TMEM87B: variants seen among roughly 807,000 people sequenced by gnomAD.
The protein encoded by TMEM87B is transmembrane protein 87B.
Under a neutral mutation model 80.3 loss-of-function variants are expected in TMEM87B, and 83 were observed. That is an observed-to-expected ratio of 1.03 (90% CI 0.87 to 1.24). TMEM87B has a LOEUF of 1.24. Among genes scored for constraint, TMEM87B ranks in the 50% most tolerant of loss-of-function variants. The probability of loss-of-function intolerance (pLI) is 0.00; values close to 1 mark genes in which losing one functional copy is unlikely to be tolerated. For missense variants in TMEM87B, 625 were observed against 674.4 expected (o/e 0.93, Z 0.81); for synonymous variants, 219 against 230.5 (o/e 0.95, Z 0.45).
intron 4 of TMEM87B, among the ~76,000 whole-genome samples, chr2:112,071,100 A>G (rs1408719834): frequency 6.6e-6 from 1 of 152,036 alleles, no homozygotes; most frequent in East Asian, 1.9e-4. Flanking sequence ...CTGGGATTAC[A>G]GGCATGAGCC....
chr2:112,064,538 G>T (rs1678357469), intron 3 of TMEM87B, among the ~76,000 whole-genome samples: 1 of 152,164 alleles, frequency 6.6e-6, no homozygotes, highest in Admixed American at 6.5e-5. Flanking sequence ...ATTTGCAAAA[G>T]AAGTTTAAAT....
chr2:112,067,496 G>A (rs940959100), intron 4 of TMEM87B, among the ~76,000 whole-genome samples: 10 of 152,176 alleles, frequency 6.6e-5, no homozygotes, highest in Non-Finnish European at 1.3e-4. Flanking sequence ...CTACTCGGGT[G>A]GCTGAGGCAT....
At chr2:112,057,177 T>C (rs1432406717) in intron 1 of TMEM87B, among the ~76,000 whole-genome samples, 1 of 152,012 alleles carries the variant, frequency 6.6e-6, no homozygotes, top group Non-Finnish European at 1.5e-5. Context: ...CTCCCAAGAG[T>C]GGACTTATAT....
chr2:112,098,613 G>A lies in TMEM87B; in HGVS notation c.1291G>A (p.Val431Ile), dbSNP rs1214594959. The A allele has an allele frequency of 1.2e-6, 2 of 1,613,992 alleles. No individual in the cohort carries two copies. Among genetic ancestry groups the A allele is most frequent in the East Asian group, 4.5e-5 (2 of 44,874 alleles). ...CTTTTAGGATTGGATGGAACGCTGG[G>A]TTGACGATGCATTTTGGAGCTTCCT... ...KCQSDWMERWVDDAFWSFLFS... is the reference protein window; with the variant it reads ...KCQSDWMERWIDDAFWSFLFS... Residue 431 changes from valine (V) to isoleucine (I), a missense_variant, in exon 14 of 19, where the codon GTT becomes ATT. Transcript: ENST00000283206.
In TMEM87B at chr2:112,119,212, G is replaced by A. The variant is rs191338022; in HGVS notation, c.*3069G>A. On this transcript the variant is annotated 3_prime_UTR_variant, in exon 19 of 19. Coordinates refer to ENST00000283206, the MANE Select transcript of TMEM87B (RefSeq NM_032824.3). ...TATTCCGTAATTTGGAAGAAGTTTCGTTGAATGTAGGACATAACCGTTTGA... is the reference window on the plus strand; with the variant it reads ...TATTCCGTAATTTGGAAGAAGTTTCATTGAATGTAGGACATAACCGTTTGA... 2.8e-4 allele frequency: 43 copies of A among 152,246 alleles called. No individual in the cohort carries two copies. The highest frequency in any genetic ancestry group is 1.8e-3 in the Admixed American group (27 of 15,294). The allele number at this position is 152,246 out of a possible 1,614,324, so 9.4% of individuals were successfully genotyped here.
chr2:112,070,600 A>G (rs1678593283), intron 4 of TMEM87B, among the ~76,000 whole-genome samples: 1 of 152,178 alleles, frequency 6.6e-6, no homozygotes, highest in African/African-American at 2.4e-5. Context: ...GTTTGAAGTC[A>G]GGTAGCATGA....
chr2:112,095,952 C>T (rs1679455369), intron 11 of TMEM87B, among the ~76,000 whole-genome samples: 1 of 152,112 alleles, frequency 6.6e-6, no homozygotes, highest in African/African-American at 2.4e-5. Context: ...TCATCCTTGG[C>T]AATGTTGAAC....
At chr2:112,106,139 A>G (rs1679759245) in intron 16 of TMEM87B, 64 bp downstream of exon 16, 1 of 1,013,560 alleles carries the variant, frequency 9.9e-7, no homozygotes, top group Non-Finnish European at 1.4e-6. Context: ...TTAGAGAGCT[A>G]TACGAGTGTC....
At chr2:112,076,842 T>TTTTG (rs1352402751) in intron 5 of TMEM87B, among the ~76,000 whole-genome samples, 9 of 139,188 alleles carry the variant, frequency 6.5e-5, no homozygotes, top group Non-Finnish European at 7.7e-5. Flanking sequence ...CTTTTCTGTT[T>TTTTG]TGTGTGTGTG....
chr2:112,055,447 C>A lies in TMEM87B; in HGVS notation c.-145C>A. ...TTCCCAGAACTGCACGGCGCCTCTC[C>A]GCCCAGGCCCAAGCGCGAGCCCCTC... On this transcript the variant is annotated 5_prime_UTR_variant, in exon 1 of 19. Transcript: ENST00000283206. 1 of 979,242 alleles carries A rather than the reference C, an allele frequency of 1.0e-6. No homozygotes were observed. The highest frequency in any genetic ancestry group is 3.9e-5 in the Admixed American group (1 of 25,502). 60.7% of individuals were successfully genotyped at this position (979,242 alleles called of 1,614,324 possible).
In TMEM87B at chr2:112,116,283, T is replaced by A. The variant is rs995880675; in HGVS notation, c.*140T>A. The A allele has an allele frequency of 8.8e-6, 6 of 684,294 alleles. No homozygotes were observed. The highest frequency in any genetic ancestry group is 1.5e-5 in the Non-Finnish European group (6 of 413,412). 42.4% of individuals were successfully genotyped at this position (684,294 alleles called of 1,614,324 possible). The stretch of plus-strand genomic sequence containing the variant: ...TGTGTATCAAAATGAAGAATTCAGA[T>A]GGTAGGAGGTTCTATAGTCCTTTTA... On this transcript the variant is annotated 3_prime_UTR_variant, in exon 19 of 19. Coordinates refer to ENST00000283206, the MANE Select transcript of TMEM87B (RefSeq NM_032824.3).
intron 17 of TMEM87B, among the ~76,000 whole-genome samples, chr2:112,110,598 G>C (rs1431925036): frequency 6.6e-6 from 1 of 152,040 alleles, no homozygotes; most frequent in Non-Finnish European, 1.5e-5. Flanking sequence ...TATGATGAAG[G>C]TTCCTGGTTT....
chr2:112,063,827 A>G (rs911844636), intron 2 of TMEM87B, among the ~76,000 whole-genome samples: 1 of 152,252 alleles, frequency 6.6e-6, no homozygotes, highest in African/African-American at 2.4e-5. Flanking sequence ...GATGGCACAC[A>G]GGATGGGGCT....
At chr2:112,090,127 T>G (rs1362014975) in intron 10 of TMEM87B, among the ~76,000 whole-genome samples, 1 of 152,202 alleles carries the variant, frequency 6.6e-6, no homozygotes, top group Non-Finnish European at 1.5e-5. Context: ...CCATCACTCT[T>G]TTAAGTCTCA....
chr2:112,115,998 T>G, intron 18 of TMEM87B, 86 bp from the exon 19 acceptor site: 1 of 947,434 alleles, frequency 1.1e-6, no homozygotes, highest in Non-Finnish European at 1.6e-6. Flanking sequence ...TCCCTAAATG[T>G]GGCTGTTGAA....
In TMEM87B at chr2:112,118,178, C is replaced by G. The variant is rs1341610381; in HGVS notation, c.*2035C>G. On this transcript the variant is annotated 3_prime_UTR_variant, in exon 19 of 19. Transcript: ENST00000283206. ...ACCTTCAGTAATATTTGTGCCATCT[C>G]TTGATGACTGATGACCTGGATCGAG... The G allele has an allele frequency of 6.6e-6, 1 of 152,192 alleles. No individual in the cohort carries two copies. The highest frequency in any genetic ancestry group is 1.9e-4 in the East Asian group (1 of 5,190). The allele number at this position is 152,192 out of a possible 1,614,324, so 9.4% of individuals were successfully genotyped here.
chr2:112,062,040 T>G (rs1473450421), intron 2 of TMEM87B, among the ~76,000 whole-genome samples: 4 of 152,244 alleles, frequency 2.6e-5, no homozygotes, highest in African/African-American at 9.6e-5. Flanking sequence ...TCATTACTAG[T>G]CCAGTTTACG....
At chr2:112,083,132 C>A (rs777169776) in intron 8 of TMEM87B, among the ~76,000 whole-genome samples, 3 of 152,160 alleles carry the variant, frequency 2.0e-5, no homozygotes, top group Non-Finnish European at 2.9e-5. Flanking sequence ...CTGTTAGGAC[C>A]CGACGTGGGT....
At chr2:112,075,454 C>G (rs762867337) in intron 5 of TMEM87B, among the ~76,000 whole-genome samples, 9 of 152,188 alleles carry the variant, frequency 5.9e-5, no homozygotes, top group Non-Finnish European at 7.4e-5. Context: ...CTGTTACTAT[C>G]TTTGTCTAAA....
Sources: allele counts gnomAD v4.1 joint callset (sites outside exome capture counted in the v4.1 genomes callset), GRCh38; gene constraint gnomAD v4.1.1; transcripts MANE v1.5; gene names NCBI Gene and HGNC (gene_info 2026-07-23, HGNC 2026-07-21).